The following KIAA1217 variants were observed in gnomAD, a reference collection of about 807,000 sequenced individuals.
KIAA1217 encodes sickle tail protein homolog.
In KIAA1217, 88 loss-of-function variants were observed where a neutral mutation model predicts 163.9. The ratio of observed to expected loss-of-function variants is 0.54; its 90% CI spans 0.45 to 0.64. The LOEUF (loss-of-function observed/expected upper bound fraction) is 0.64, where lower values mean the gene tolerates loss of function less well. Among genes scored for constraint, KIAA1217 ranks in the 30% least tolerant of loss-of-function variants. The probability of loss-of-function intolerance (pLI) is 0.00; values close to 1 mark genes in which losing one functional copy is unlikely to be tolerated. For synonymous variants in KIAA1217, 903 were observed against 923.1 expected, an observed-to-expected ratio of 0.98 and a Z score of 0.39; for missense variants, 2,372 against 2,475.0, an observed-to-expected ratio of 0.96 and a Z score of 0.88.
At chr10:24,507,857 T>TG (rs989100792) in intron 9 of KIAA1217, among the ~76,000 whole-genome samples, 1 of 152,050 alleles carries the variant, frequency 6.6e-6, no homozygotes, top group Non-Finnish European at 1.5e-5. Flanking sequence ...TCAAAGCAGC[T>TG]GGGGGTGGAG....
intron 2 of KIAA1217, among the ~76,000 whole-genome samples, chr10:24,032,796 AAT>A (rs1848240658): frequency 6.6e-6 from 1 of 152,166 alleles, no homozygotes; most frequent in African/African-American, 2.4e-5. Context: ...TACGTTCAAT[AAT>A]ATCTCTGGAG....
At chr10:24,494,359 C>T (rs2133777848) in intron 6 of KIAA1217, 141 bp from the exon 7 acceptor site, 2 of 668,486 alleles carry the variant, frequency 3.0e-6, no homozygotes, top group East Asian at 2.7e-5. Context: ...ATGTGCGGCT[C>T]TTCATGTTCC....
chr10:23,817,533 A>C (rs1375641964), intron 1 of KIAA1217, among the ~76,000 whole-genome samples: 1 of 152,158 alleles, frequency 6.6e-6, no homozygotes, highest in Non-Finnish European at 1.5e-5. Flanking sequence ...TAACTTGAGG[A>C]ATAAACTCCA....
At chr10:23,997,937 T>A (rs1846563381) in intron 1 of KIAA1217, among the ~76,000 whole-genome samples, 1 of 151,898 alleles carries the variant, frequency 6.6e-6, no homozygotes, top group African/African-American at 2.4e-5. Flanking sequence ...TTGACTGGTT[T>A]TGTTCATGGC....
At chr10:24,285,317 G>A (rs917660542) in intron 2 of KIAA1217, among the ~76,000 whole-genome samples, 1 of 152,062 alleles carries the variant, frequency 6.6e-6, no homozygotes, top group Non-Finnish European at 1.5e-5. Context: ...AATGTCTGAG[G>A]GGTATTCCCT....
chr10:23,926,260 C>T (rs183712962), intron 1 of KIAA1217, among the ~76,000 whole-genome samples: 18 of 152,258 alleles, frequency 1.2e-4, no homozygotes, highest in Admixed American at 1.2e-3. Context: ...GAAGTGTAGC[C>T]ACTTAATTTC....
chr10:24,392,063 G>T (rs2055060820), intron 3 of KIAA1217, among the ~76,000 whole-genome samples: 1 of 152,010 alleles, frequency 6.6e-6, no homozygotes, highest in African/African-American at 2.4e-5. Context: ...AAATATCAAA[G>T]AACCATTAAA....
intron 2 of KIAA1217, among the ~76,000 whole-genome samples, chr10:24,266,927 AAC>A (rs1306964947): frequency 6.6e-6 from 1 of 152,136 alleles, no homozygotes; most frequent in Non-Finnish European, 1.5e-5. Flanking sequence ...TAAAAGCTGT[AAC>A]ACTCAGGACT....
intron 3 of KIAA1217, among the ~76,000 whole-genome samples, chr10:24,427,186 G>A (rs2059241881): frequency 6.6e-6 from 1 of 152,076 alleles, no homozygotes; most frequent in South Asian, 2.1e-4. Context: ...ACAGGTTTCA[G>A]AGCTCGGCAC....
intron 2 of KIAA1217, among the ~76,000 whole-genome samples, chr10:24,265,410 T>A (rs1163944954): frequency 6.6e-6 from 1 of 152,208 alleles, no homozygotes; most frequent in South Asian, 2.1e-4. Context: ...TCCTCTTAGC[T>A]CACATGCCTT....
Position 24,221,753 on chromosome 10 carries a change from C to G in KIAA1217, c.354+1844C>G, listed in dbSNP as rs117903772. The stretch of plus-strand genomic sequence containing the variant: ...TAATTCTTTGATAATTTTAAAAAGA[C>G]TCTGGGCACAGTGGTTCATGCCTGT... On this transcript the variant is annotated intron_variant, in intron 2 of 20. Transcript: ENST00000376454. Among the ~76,000 whole-genome samples the G allele has an allele frequency of 3.6e-3, 543 of 152,266 alleles. 12 individuals are homozygous for G. In the East Asian group the frequency reaches 0.054, roughly 15 times the overall value.
intron 5 of KIAA1217, among the ~76,000 whole-genome samples, chr10:24,468,031 A>G (rs2063133454): frequency 6.6e-6 from 1 of 152,188 alleles, no homozygotes; most frequent in Non-Finnish European, 1.5e-5. Flanking sequence ...CTTAGTAAGA[A>G]TACCCGCAGC....
chr10:24,342,380 G>C (rs530217848), intron 2 of KIAA1217, among the ~76,000 whole-genome samples: 1 of 152,088 alleles, frequency 6.6e-6, no homozygotes, highest in Non-Finnish European at 1.5e-5. Context: ...TATGTACATG[G>C]AAAAACTTCA....
intron 1 of KIAA1217, among the ~76,000 whole-genome samples, chr10:23,994,720 A>G (rs756939188): frequency 2.6e-5 from 4 of 152,194 alleles, no homozygotes; most frequent in Non-Finnish European, 4.4e-5. Context: ...AATCCGAACC[A>G]TACAACTTTT....
chr10:24,493,623 T>C (rs1023748719), intron 6 of KIAA1217, among the ~76,000 whole-genome samples: 8 of 152,216 alleles, frequency 5.3e-5, no homozygotes, highest in African/African-American at 1.7e-4. Context: ...TATCTGTATA[T>C]GGAAATCATT....
At chr10:24,491,248 C>T (rs2066080439) in intron 6 of KIAA1217, among the ~76,000 whole-genome samples, 2 of 150,068 alleles carry the variant, frequency 1.3e-5, no homozygotes, top group South Asian at 4.3e-4. Context: ...TGTTGTTTAT[C>T]CAGAATGATT....
intron 2 of KIAA1217, among the ~76,000 whole-genome samples, chr10:24,343,875 C>A (rs2047397808): frequency 6.6e-6 from 1 of 152,210 alleles, no homozygotes; most frequent in South Asian, 2.1e-4. Flanking sequence ...TGAAATGCCA[C>A]TTTGTGAGAT....
rs191904321 is a variant in KIAA1217, at chr10:24,428,843, C to T, written c.554-4152C>T. Among the ~76,000 whole-genome samples the T allele has an allele frequency of 4.2e-3, 631 of 148,698 alleles. 8 individuals carry two copies. Among genetic ancestry groups the T allele is most frequent in the African/African-American group, 0.015 (605 of 40,258 alleles). On this transcript the variant is annotated intron_variant, in intron 3 of 20. Transcript: ENST00000376454. Reference sequence around the variant, plus strand: ...CTCCAGCCTGGGTGACAGAGCAAGACCCCATCTCTTTAAAGATAAAAAAAA... The same window carrying T: ...CTCCAGCCTGGGTGACAGAGCAAGATCCCATCTCTTTAAAGATAAAAAAAA...
At chr10:24,047,896 G>T (rs1008647742) in intron 2 of KIAA1217, among the ~76,000 whole-genome samples, 2 of 152,222 alleles carry the variant, frequency 1.3e-5, no homozygotes, top group South Asian at 4.1e-4. Flanking sequence ...GATAGGCAAT[G>T]TCTTGAAAAG....
Sources: gnomAD v4.1 joint callset for allele counts (sites outside exome capture counted in the v4.1 genomes callset) on GRCh38, gnomAD v4.1.1 for gene constraint, MANE v1.5 for transcripts, NCBI Gene and HGNC (gene_info 2026-07-23, HGNC 2026-07-21) for gene names.